PAQR6: variants seen among roughly 807,000 people sequenced by gnomAD.
PAQR6 encodes progestin and adipoQ receptor family member 6.
Under a neutral mutation model 36.2 loss-of-function variants are expected in PAQR6, and 34 were observed. The ratio of observed to expected loss-of-function variants is 0.94; its 90% CI spans 0.71 to 1.25. The LOEUF (loss-of-function observed/expected upper bound fraction) is 1.25, where lower values mean the gene tolerates loss of function less well. Ranked by LOEUF, PAQR6 falls within the 50% of genes most tolerant of loss-of-function variation. PAQR6 has a pLI of 0.00. For missense variants in PAQR6, 431 were observed against 445.7 expected, an observed-to-expected ratio of 0.97 and a Z score of 0.30; for synonymous variants, 190 against 190.7, an observed-to-expected ratio of 1.00 and a Z score of 0.03.
chr1:156,244,948 C>T (rs757066240), intron 6 of PAQR6, 37 bp from the exon 7 acceptor site: 10 of 1,601,720 alleles, frequency 6.2e-6, no homozygotes, highest in South Asian at 1.1e-5. Flanking sequence ...GGGAGGGACT[C>T]GGGAGCCGAA....
intron 6 of PAQR6, 57 bp from the exon 7 acceptor site, chr1:156,244,968 G>A: frequency 9.4e-6 from 15 of 1,598,602 alleles, no homozygotes; most frequent in Non-Finnish European, 1.3e-5. Flanking sequence ...AACATGGGGT[G>A]TGTCTGGGAT....
In PAQR6 at chr1:156,245,775, G is replaced by A. The variant is rs748825501; in HGVS notation, c.385+7C>T. ...AGACCCCGCGCTCCCGCGCCTGTCCGGCTCACCCAGACTGTAGAGGCTGAG... is the reference window on the plus strand; with the variant it reads ...AGACCCCGCGCTCCCGCGCCTGTCCAGCTCACCCAGACTGTAGAGGCTGAG... On this transcript the variant is annotated splice_region_variant and intron_variant, in intron 4 of 7. Coordinates refer to ENST00000292291, the MANE Select transcript of PAQR6 (RefSeq NM_198406.3). The A allele has an allele frequency of 3.8e-6, 6 of 1,585,864 alleles. No homozygotes were observed. Among genetic ancestry groups the A allele is most frequent in the Non-Finnish European group, 5.1e-6 (6 of 1,165,800 alleles).
At chr1:156,246,300 C>T (rs147726113) in intron 2 of PAQR6, 50 bp from the exon 3 acceptor site, 430 of 1,509,226 alleles carry the variant, frequency 2.8e-4, no homozygotes, top group Middle Eastern at 1.4e-3. Flanking sequence ...GGACCCTTTC[C>T]CTCCATCTGA....
At position 156,245,767 on chromosome 1, in the gene PAQR6, G is replaced by C. The variant is rs1464929610; in HGVS notation, c.385+15C>G. On this transcript the variant is annotated intron_variant, in intron 4 of 7. Transcript: ENST00000292291. ...GGACGCCCAGACCCCGCGCTCCCGC[G>C]CCTGTCCGGCTCACCCAGACTGTAG... is the stretch of plus-strand genomic sequence containing the variant. 6.3e-7 allele frequency: 1 copy of C among 1,580,718 alleles called. No individual in the cohort carries two copies. Among genetic ancestry groups the C allele is most frequent in the South Asian group, 1.1e-5 (1 of 87,758 alleles).
At chr1:156,244,521 G>T in intron 7 of PAQR6, 118 bp from the exon 8 acceptor site, 1 of 1,364,672 alleles carries the variant, frequency 7.3e-7, no homozygotes, top group Non-Finnish European at 9.8e-7. Flanking sequence ...CAGAGTGACT[G>T]AAAGGAATGA....
Position 156,245,112 on chromosome 1 carries a change from A to T in PAQR6, c.609+30T>A, listed in dbSNP as rs773376023. On this transcript the variant is annotated intron_variant, in intron 6 of 7. Transcript: ENST00000292291. Reference sequence around the variant, plus strand: ...TTGAGGGTCAGGACAGGAAAGCAGGAGTCTGGGCAGGGGCCCTAGGCCTCC... The same window carrying T: ...TTGAGGGTCAGGACAGGAAAGCAGGTGTCTGGGCAGGGGCCCTAGGCCTCC... The T allele has an allele frequency of 9.3e-6, 15 of 1,607,664 alleles. No individual in the cohort carries two copies. The East Asian group carries it at 3.1e-4, about 33-fold the overall frequency.
rs1442755286 is a variant in PAQR6, at chr1:156,244,318, G to C, written c.846C>G (p.Arg282=). The C allele has an allele frequency of 6.2e-7, 1 of 1,611,458 alleles. No homozygotes were observed. The highest frequency in any genetic ancestry group is 1.7e-5 in the Admixed American group (1 of 59,784). The change falls in exon 8 of 8, where the codon CGC becomes CGG. Residue 282 remains arginine, a synonymous_variant. Transcript: ENST00000292291. ...GTTCCTGTGTGGCCAGCCAGGCTCT[G>C]CGTGATCCCATATCAGCCAGCACTG... ...LEAVLADMGS[R]RAWLATQEPA... is the part of the protein sequence containing the mutation.
rs377458817 is a variant in PAQR6 at position 156,244,012 on chromosome 1, G to T, written c.*117C>A. ...CTCTCTCCTGTGCCCTCTCTCCTCA[G>T]CCCCTGTTGGTTCCAGGCTGAGATG... On this transcript the variant is annotated 3_prime_UTR_variant, in exon 8 of 8. Transcript: ENST00000292291. 90 of 1,613,948 alleles carry T rather than the reference G, an allele frequency of 5.6e-5. No individual in the cohort carries two copies. Among genetic ancestry groups the T allele is most frequent in the Non-Finnish European group, 7.6e-5 (90 of 1,180,004 alleles).
At chr1:156,247,712 G>C (rs764896936) in intron 1 of PAQR6, 30 of 199,356 alleles carry the variant, frequency 1.5e-4, no homozygotes, top group Non-Finnish European at 2.9e-4. Flanking sequence ...GGTATCCCTT[G>C]CTCGCTCCCA....
intron 7 of PAQR6, 98 bp from the exon 8 acceptor site, chr1:156,244,501 C>T: frequency 7.2e-7 from 1 of 1,383,934 alleles, no homozygotes; most frequent in Non-Finnish European, 9.6e-7. Flanking sequence ...GAATAAGAAA[C>T]CCTGACTCCC....
rs567700054 is a variant in PAQR6 at position 156,246,687 on chromosome 1, G to A, written c.45C>T (p.Val15=). 6.8e-6 allele frequency: 11 copies of A among 1,613,760 alleles called. No homozygotes were observed. Among genetic ancestry groups the A allele is most frequent in the Middle Eastern group, 1.7e-4 (1 of 6,060 alleles). Residue 15 remains valine (V), a synonymous_variant, in exon 2 of 8, where the codon GTC becomes GTT. Coordinates refer to ENST00000292291, the MANE Select transcript of PAQR6 (RefSeq NM_198406.3). ...AGTGGGTGGAGCCCCTCACCCGGGG[G>A]ACCTGGTGGACTTGAAGAAGTTGGG... is the stretch of plus-strand genomic sequence containing the variant. ...KLPQLLQVHQ[V]PRVFWEDGIM...
intron 4 of PAQR6, 23 bp from the exon 5 acceptor site, chr1:156,245,684 A>T: frequency 6.2e-7 from 1 of 1,608,638 alleles, no homozygotes; most frequent in South Asian, 1.1e-5. Context: ...GGGGGCGTGC[A>T]GCTGAGGCCT....
At position 156,244,056 on chromosome 1, in the gene PAQR6, C is replaced by T. The variant is rs753716864; in HGVS notation, c.*73G>A. On this transcript the variant is annotated 3_prime_UTR_variant, in exon 8 of 8. Coordinates refer to ENST00000292291, the MANE Select transcript of PAQR6 (RefSeq NM_198406.3). ...TGAGATGCGTCCCCACCTGATTAGG[C>T]CCAAATCTGGGCTCCTCGTCAGCAC... 6 of 1,613,822 alleles carry T rather than the reference C, an allele frequency of 3.7e-6. No homozygotes were observed. The Admixed American group carries it at 8.3e-5, about 22-fold the overall frequency.
At chr1:156,247,104 G>A (rs1660664444) in intron 1 of PAQR6, among the ~76,000 whole-genome samples, 1 of 152,212 alleles carries the variant, frequency 6.6e-6, no homozygotes, top group South Asian at 2.1e-4. Context: ...GACTCCTGGA[G>A]GCCAGCACAG....
intron 4 of PAQR6, 51 bp downstream of exon 4, chr1:156,245,731 G>A (rs914270330): frequency 1.3e-6 from 2 of 1,571,808 alleles, no homozygotes; most frequent in Non-Finnish European, 1.7e-6. Context: ...CCCACCCCTC[G>A]CCCCGCTCCG....
chr1:156,246,299 C>T, intron 2 of PAQR6, 49 bp from the exon 3 acceptor site: 3 of 1,514,664 alleles, frequency 2.0e-6, no homozygotes, highest in Non-Finnish European at 2.7e-6. Context: ...CGGACCCTTT[C>T]CCTCCATCTG....
In PAQR6 at chr1:156,245,241, G is replaced by A. The variant is rs538148921; in HGVS notation, c.513-3C>T. On this transcript the variant is annotated splice_region_variant and splice_polypyrimidine_tract_variant and intron_variant, in intron 5 of 7. Coordinates refer to ENST00000292291, the MANE Select transcript of PAQR6 (RefSeq NM_198406.3). ...CAGGGCTTTCCAGCTCCAGGAAACT[G>A]GGAGGCGGGAGGAAAAGGCCGGTCA... 6.2e-7 allele frequency: 1 copy of A among 1,613,124 alleles called. No homozygotes were observed. Among genetic ancestry groups the A allele is most frequent in the Admixed American group, 1.7e-5 (1 of 60,028 alleles).
chr1:156,245,746 G>T, intron 4 of PAQR6, 36 bp downstream of exon 4: 1 of 1,571,016 alleles, frequency 6.4e-7, no homozygotes, highest in Middle Eastern at 1.7e-4. Flanking sequence ...GCTCCGGGAC[G>T]CCCAGACCCC....
chr1:156,246,444 G>T (rs1243482338), intron 2 of PAQR6, among the ~76,000 whole-genome samples, 194 bp from the exon 3 acceptor site: 1 of 151,948 alleles, frequency 6.6e-6, no homozygotes, highest in African/African-American at 2.4e-5. Context: ...CGAAGAGCCA[G>T]ATTGGGGTGG....
Sources: allele counts gnomAD v4.1 joint callset (sites outside exome capture counted in the v4.1 genomes callset), GRCh38; gene constraint gnomAD v4.1.1; transcripts MANE v1.5; gene names NCBI Gene and HGNC (gene_info 2026-07-23, HGNC 2026-07-21).